The following CLVS1 variants were observed in gnomAD, a reference collection of about 807,000 sequenced individuals.
The protein encoded by CLVS1 is clavesin 1.
A neutral mutation model predicts 33.1 loss-of-function variants in CLVS1; 10 were observed. That is an observed-to-expected ratio of 0.30 (90% confidence interval 0.19 to 0.51). CLVS1 has a LOEUF of 0.51. CLVS1 is among the 20% of genes least tolerant of loss of function. The pLI is 0.97. For missense variants in CLVS1, 343 were observed against 433.4 expected, an observed-to-expected ratio of 0.79 and a Z score of 1.85; for synonymous variants, 163 against 166.1, an observed-to-expected ratio of 0.98 and a Z score of 0.14.
intron 2 of CLVS1, among the ~76,000 whole-genome samples, chr8:61,183,240 G>T (rs906148433): frequency 6.6e-6 from 1 of 152,110 alleles, no homozygotes; most frequent in African/African-American, 2.4e-5. Flanking sequence ...GGGTTCATAG[G>T]TTCAGCAAAC....
In CLVS1 at chr8:61,135,277, C is replaced by G. The variant is rs986083286; in HGVS notation, c.-152+3417C>G. On this transcript the variant is annotated intron_variant, in intron 2 of 2. Transcript: ENST00000522621. ...CTTGGCAAGACCTGTTGTTAGTACC[C>G]TCGTCCCCTTCCAAGCCCCTGTGAC... Among the ~76,000 whole-genome samples, 109 of 152,138 alleles carry G rather than the reference C, an allele frequency of 7.2e-4. 1 individual carries two copies. The highest frequency in any genetic ancestry group is 3.4e-3 in the Middle Eastern group (1 of 294).
chr8:61,317,381 A>C (rs1300021973), intron 2 of CLVS1, among the ~76,000 whole-genome samples: 1 of 152,174 alleles, frequency 6.6e-6, no homozygotes, highest in East Asian at 1.9e-4. Flanking sequence ...TGATAGTTTA[A>C]AATTCAATCC....
intron 2 of CLVS1, among the ~76,000 whole-genome samples, chr8:61,252,828 G>A (rs576110828): frequency 1.3e-5 from 2 of 152,234 alleles, no homozygotes; most frequent in Admixed American, 1.3e-4. Context: ...AACGTGAGAT[G>A]GGTCTCCTGA....
At chr8:61,027,150 G>C in the CLVS1 span, among the ~76,000 whole-genome samples, 3 of 152,168 alleles carry the variant, frequency 2.0e-5, no homozygotes, top group Non-Finnish European at 4.4e-5. Flanking sequence ...AAGAATGCAT[G>C]AAGGAAATGA....
chr8:61,467,132 T>G (rs940007666), intron 5 of CLVS1, among the ~76,000 whole-genome samples: 1 of 152,106 alleles, frequency 6.6e-6, no homozygotes, highest in African/African-American at 2.4e-5. Flanking sequence ...TCATGTAAAT[T>G]TTGTCCTGTG....
chr8:61,228,179 A>C (rs1339036353), intron 2 of CLVS1, among the ~76,000 whole-genome samples: 1 of 152,180 alleles, frequency 6.6e-6, no homozygotes, highest in Non-Finnish European at 1.5e-5. Context: ...GATTTTATTT[A>C]AAAAATTTTT....
intron 2 of CLVS1, among the ~76,000 whole-genome samples, chr8:61,197,398 G>C (rs564867396): frequency 6.6e-6 from 1 of 152,142 alleles, no homozygotes; most frequent in Non-Finnish European, 1.5e-5. Flanking sequence ...CTGTTCCATT[G>C]GTCTATGTGT....
chr8:61,196,260 A>T (rs974051019), intron 2 of CLVS1, among the ~76,000 whole-genome samples: 1 of 152,162 alleles, frequency 6.6e-6, no homozygotes, highest in Non-Finnish European at 1.5e-5. Context: ...AACAGGTAAA[A>T]TATTATGCAA....
At position 61,288,585 on chromosome 8, in the gene CLVS1, G is replaced by C. The variant is rs150421020; in HGVS notation, c.-152+447G>C. Among the ~76,000 whole-genome samples, 906 of 152,336 alleles carry C rather than the reference G, an allele frequency of 5.9e-3. 12 individuals carry two copies. The highest frequency in any genetic ancestry group is 0.021 in the African/African-American group (865 of 41,570). Reference sequence around the variant, plus strand: ...AAAGGGAAAGTGAAGGCAGGAGGGAGAGACCCCAGGCACGGGGACAGATGG... The same window carrying C: ...AAAGGGAAAGTGAAGGCAGGAGGGACAGACCCCAGGCACGGGGACAGATGG... On this transcript the variant is annotated intron_variant, in intron 1 of 5. Coordinates refer to ENST00000325897, the MANE Select transcript of CLVS1 (RefSeq NM_173519.3).
intron 2 of CLVS1, among the ~76,000 whole-genome samples, chr8:61,239,470 C>A (rs571811729): frequency 6.6e-6 from 1 of 152,090 alleles, no homozygotes; most frequent in Non-Finnish European, 1.5e-5. Flanking sequence ...TGGTGGCTCA[C>A]GCCTGTAATC....
At chr8:61,178,293 A>G (rs561543823) in intron 2 of CLVS1, among the ~76,000 whole-genome samples, 4 of 152,366 alleles carry the variant, frequency 2.6e-5, no homozygotes, top group Admixed American at 2.6e-4. Context: ...AGACAAAATT[A>G]GAGAAAAAGA....
At chr8:61,434,564 A>G (rs1447677397) in intron 3 of CLVS1, among the ~76,000 whole-genome samples, 1 of 152,206 alleles carries the variant, frequency 6.6e-6, no homozygotes, top group Non-Finnish European at 1.5e-5. Context: ...TAAGAAATAC[A>G]TTGATTTGGC....
chr8:61,457,231 G>A (rs1030277087), intron 4 of CLVS1, among the ~76,000 whole-genome samples: 4 of 152,092 alleles, frequency 2.6e-5, no homozygotes, highest in East Asian at 2.0e-4. Flanking sequence ...GCCACTGCAC[G>A]TGGCCCACGT....
chr8:61,480,140 G>T (rs1173085029), intron 5 of CLVS1, among the ~76,000 whole-genome samples: 1 of 152,248 alleles, frequency 6.6e-6, no homozygotes, highest in East Asian at 1.9e-4. Flanking sequence ...GTCTGCAGAG[G>T]TTATTGCTGC....
chr8:61,164,074 T>C (rs1585655062), intron 2 of CLVS1, among the ~76,000 whole-genome samples: 2 of 152,308 alleles, frequency 1.3e-5, no homozygotes, highest in Middle Eastern at 6.8e-3. Context: ...TCTCAGGCGA[T>C]AGATGATTTG....
Position 61,438,158 on chromosome 8 carries a change from C to T in CLVS1, c.631-15983C>T, listed in dbSNP as rs971750086. ...AGCCCAGCATGCATTAGCTATTTTT[C>T]CTGATGCTCTCTGCTCGCACCCCCA... On this transcript the variant is annotated intron_variant, in intron 3 of 5. Transcript: ENST00000325897. Among the ~76,000 whole-genome samples the T allele has an allele frequency of 2.3e-4, 35 of 152,172 alleles. 1 individual carries two copies. Among genetic ancestry groups the T allele is most frequent in the Non-Finnish European group, 8.8e-5 (6 of 68,040 alleles).
At chr8:61,433,681 C>A (rs1341115205) in intron 3 of CLVS1, among the ~76,000 whole-genome samples, 3 of 151,904 alleles carry the variant, frequency 2.0e-5, no homozygotes, top group Non-Finnish European at 2.9e-5. Context: ...GGCCCCTGAC[C>A]AGGTTTGAAG....
chr8:61,116,558 C>T (rs1467613748), intron 1 of CLVS1, among the ~76,000 whole-genome samples: 1 of 152,226 alleles, frequency 6.6e-6, no homozygotes, highest in South Asian at 2.1e-4. Context: ...TAAGGTGTAA[C>T]AAAGGGATCC....
intron 3 of CLVS1, among the ~76,000 whole-genome samples, chr8:61,382,472 C>T (rs1458721999): frequency 6.6e-6 from 1 of 152,176 alleles, no homozygotes; most frequent in African/African-American, 2.4e-5. Flanking sequence ...ACCAGCAGAA[C>T]TGAGAGCTGG....
Sources: allele counts gnomAD v4.1 joint callset (sites outside exome capture counted in the v4.1 genomes callset), GRCh38; gene constraint gnomAD v4.1.1; transcripts MANE v1.5; gene names NCBI Gene and HGNC (gene_info 2026-07-23, HGNC 2026-07-21).